The following GRM8 variants were observed in gnomAD, a reference collection of about 807,000 sequenced individuals.
GRM8 encodes metabotropic glutamate receptor 8.
Under a neutral mutation model 87.2 loss-of-function variants are expected in GRM8, and 47 were observed. The ratio of observed to expected loss-of-function variants is 0.54; its 90% CI spans 0.43 to 0.69. GRM8 has a LOEUF of 0.69. GRM8 is among the 30% of genes least tolerant of loss of function. GRM8 has a pLI of 0.00. For missense variants in GRM8, 1,019 were observed against 1,139.2 expected (o/e 0.89, Z 1.52); for synonymous variants, 396 against 404.5 (o/e 0.98, Z 0.25).
intron 2 of GRM8, among the ~76,000 whole-genome samples, chr7:127,195,738 C>T (rs955419731): frequency 1.3e-5 from 2 of 152,130 alleles, no homozygotes; most frequent in Non-Finnish European, 2.9e-5. Context: ...ATGAGGTGCT[C>T]TTCCCTCTGC....
intron 6 of GRM8, among the ~76,000 whole-genome samples, chr7:126,814,694 C>A (rs1793610247): frequency 7.0e-6 from 1 of 142,828 alleles, no homozygotes. Flanking sequence ...AATAATGGTT[C>A]TTTTTCTCTT....
At chr7:126,568,841 T>C (rs1794457585) in intron 8 of GRM8, among the ~76,000 whole-genome samples, 1 of 152,142 alleles carries the variant, frequency 6.6e-6, no homozygotes, top group African/African-American at 2.4e-5. Context: ...TGTAGCTCTT[T>C]AATAAGTTGG....
At chr7:126,599,695 A>T (rs2151069588) in intron 8 of GRM8, among the ~76,000 whole-genome samples, 1 of 152,272 alleles carries the variant, frequency 6.6e-6, no homozygotes, top group Admixed American at 6.5e-5. Context: ...CCAGACCAAG[A>T]GAGAATATGT....
chr7:126,482,345 G>C (rs1212551336), intron 9 of GRM8, among the ~76,000 whole-genome samples: 1 of 151,938 alleles, frequency 6.6e-6, no homozygotes, highest in African/African-American at 2.4e-5. Context: ...GGATATATTT[G>C]TATGCCCATG....
rs193129979 is a variant in GRM8, at chr7:126,878,286, C to G, written c.1156+24256G>C. Among the ~76,000 whole-genome samples, 64 of 152,316 alleles carry G rather than the reference C, an allele frequency of 4.2e-4. 1 individual carries two copies. Among genetic ancestry groups the G allele is most frequent in the African/African-American group, 1.4e-3 (58 of 41,570 alleles). ...TTTCCATATGATTTCCCCAACATCT[C>G]TGAGGCAGCTCCATAGGAAATGTTA... On this transcript the variant is annotated intron_variant, in intron 6 of 10. Coordinates refer to ENST00000339582, the MANE Select transcript of GRM8 (RefSeq NM_000845.3).
intron 3 of GRM8, among the ~76,000 whole-genome samples, chr7:126,952,054 G>A (rs1808222334): frequency 6.6e-6 from 1 of 150,622 alleles, no homozygotes; most frequent in Admixed American, 6.6e-5. Flanking sequence ...AAAAAGCTTG[G>A]ACAAGTGATT....
intron 3 of GRM8, among the ~76,000 whole-genome samples, chr7:127,009,420 T>C (rs1423723029): frequency 6.6e-6 from 1 of 152,156 alleles, no homozygotes; most frequent in African/African-American, 2.4e-5. Context: ...ATGTGTATTG[T>C]AACTATGTGG....
chr7:126,626,228 T>C (rs755589748), intron 7 of GRM8, among the ~76,000 whole-genome samples: 2 of 152,122 alleles, frequency 1.3e-5, no homozygotes, highest in Non-Finnish European at 2.9e-5. Context: ...TCTCTTTCCA[T>C]CTGGATTTAC....
chr7:126,899,104 A>AGTGTGTGT (rs71177573), intron 6 of GRM8, among the ~76,000 whole-genome samples: 1,833 of 140,372 alleles, frequency 0.013, 23 homozygotes, highest in Non-Finnish European at 0.018. Flanking sequence ...ACTGGTTAAC[A>AGTGTGTGT]GTGTGTGTGT....
intron 8 of GRM8, among the ~76,000 whole-genome samples, chr7:126,599,958 G>A (rs1237374155): frequency 1.3e-5 from 2 of 152,020 alleles, no homozygotes; most frequent in Non-Finnish European, 2.9e-5. Context: ...ATATATGAAT[G>A]GATGAATGGT....
intron 8 of GRM8, among the ~76,000 whole-genome samples, chr7:126,551,665 T>C (rs1792601440): frequency 6.6e-6 from 1 of 150,740 alleles, no homozygotes. Context: ...TTTTATGCCC[T>C]GTATTGGCAA....
At chr7:126,553,867 G>A (rs895310498) in intron 8 of GRM8, among the ~76,000 whole-genome samples, 1 of 152,120 alleles carries the variant, frequency 6.6e-6, no homozygotes, top group Non-Finnish European at 1.5e-5. Context: ...TTAAACATAA[G>A]AGGAAAGCTG....
intron 3 of GRM8, among the ~76,000 whole-genome samples, chr7:126,962,612 T>C (rs1809432591): frequency 6.6e-6 from 1 of 152,238 alleles, no homozygotes; most frequent in South Asian, 2.1e-4. Flanking sequence ...AATTGATTTA[T>C]AGATACTGTG....
chr7:126,819,512 T>C (rs1794109143), intron 6 of GRM8, among the ~76,000 whole-genome samples: 1 of 152,166 alleles, frequency 6.6e-6, no homozygotes, highest in Non-Finnish European at 1.5e-5. Flanking sequence ...TATTAATCTC[T>C]TTGATAAATA....
rs146135157 is a variant in GRM8, at chr7:126,875,593, G to C, written c.1156+26949C>G. On this transcript the variant is annotated intron_variant, in intron 6 of 10. Transcript: ENST00000339582. ...AGCCATCTACAAAATCAATTATTCAGCAATTCAGTTCATTTCATTGAGACA... is the reference window on the plus strand; with the variant it reads ...AGCCATCTACAAAATCAATTATTCACCAATTCAGTTCATTTCATTGAGACA... Among the ~76,000 whole-genome samples, 237 of 152,200 alleles carry C rather than the reference G, an allele frequency of 1.6e-3. 1 individual carries two copies. Among genetic ancestry groups the C allele is most frequent in the African/African-American group, 5.3e-3 (222 of 41,526 alleles).
chr7:126,634,238 A>T (rs1200659295), intron 7 of GRM8, among the ~76,000 whole-genome samples: 1 of 152,148 alleles, frequency 6.6e-6, no homozygotes, highest in African/African-American at 2.4e-5. Context: ...ATGTATCTGC[A>T]AAAATAAAAA....
intron 7 of GRM8, among the ~76,000 whole-genome samples, chr7:126,741,385 TC>T (rs1198129039): frequency 2.0e-5 from 3 of 152,126 alleles, no homozygotes; most frequent in African/African-American, 7.2e-5. Flanking sequence ...AATCATATTC[TC>T]CAAGCATTTG....
intron 2 of GRM8, among the ~76,000 whole-genome samples, chr7:127,198,986 C>T (rs1795445749): frequency 6.6e-6 from 1 of 152,054 alleles, no homozygotes. Flanking sequence ...GGATTACATG[C>T]ATATGCCACC....
intron 3 of GRM8, among the ~76,000 whole-genome samples, chr7:126,943,252 C>T (rs566644988): frequency 3.0e-4 from 45 of 152,308 alleles, no homozygotes; most frequent in Admixed American, 7.2e-4. Flanking sequence ...GTCACAATCA[C>T]TCAAAAGATG....
Sources: allele counts gnomAD v4.1 joint callset (sites outside exome capture counted in the v4.1 genomes callset), GRCh38; gene constraint gnomAD v4.1.1; transcripts MANE v1.5; gene names NCBI Gene and HGNC (gene_info 2026-07-23, HGNC 2026-07-21).